TMEM204: variants seen among roughly 807,000 people sequenced by gnomAD.
TMEM204 encodes claudin-like protein 24.
TMEM204 carries 15 observed loss-of-function variants against 19.4 expected under a neutral mutation model. The ratio of observed to expected loss-of-function variants is 0.77; its 90% CI spans 0.52 to 1.19. The LOEUF (loss-of-function observed/expected upper bound fraction) is 1.19, where lower values mean the gene tolerates loss of function less well. Ranked by LOEUF, TMEM204 falls within the 50% of genes most tolerant of loss-of-function variation. TMEM204 has a pLI of 0.00. For synonymous variants in TMEM204, 161 were observed against 146.0 expected (o/e 1.10, Z -0.74); for missense variants, 287 against 321.2 (o/e 0.89, Z 0.81).
chr16:1,544,706 T>C (rs1357244707), intron 2 of TMEM204, among the ~76,000 whole-genome samples: 1 of 151,846 alleles, frequency 6.6e-6, no homozygotes, highest in Non-Finnish European at 1.5e-5. Flanking sequence ...TGGAGTGCAG[T>C]GGCGCGATCT....
chr16:1,531,554 T>G (rs1262173118), upstream of TMEM204: 1 of 152,168 alleles, frequency 6.6e-6, no homozygotes, highest in African/African-American at 2.4e-5. The surrounding 1 kb of genome is among the most constrained non-coding windows in gnomAD (Gnocchi z 4.7). Context: ...TGTGATGCAC[T>G]GTGGGGGAAG....
rs1232149786 is a variant in TMEM204, at chr16:1,541,998, G to C, written c.358G>C (p.Gly120Arg). Residue 120 changes from glycine to arginine, a missense_variant, in exon 2 of 3, where the codon GGG (glycine) becomes CGG (arginine). By Grantham distance (125) the Gly-to-Arg change is moderately radical. Transcript: ENST00000566264. Reference sequence around the variant, plus strand: ...CGCAGGCCAGCTCACCTTCCTCCTGGGGCTGGTGGGCCTGCCCCTGCTGTC... The same window carrying C: ...CGCAGGCCAGCTCACCTTCCTCCTGCGGCTGGTGGGCCTGCCCCTGCTGTC... The part of the protein sequence containing the change: ...LTAGQLTFLL[G>R]LVGLPLLSPD... 6.2e-7 allele frequency: 1 copy of C among 1,611,248 alleles called. No individual in the cohort carries two copies. Among genetic ancestry groups the C allele is most frequent in the Non-Finnish European group, 8.5e-7 (1 of 1,179,610 alleles).
chr16:1,536,244 C>A (rs571986236), intron 1 of TMEM204, among the ~76,000 whole-genome samples: 17 of 152,356 alleles, frequency 1.1e-4, no homozygotes, highest in Non-Finnish European at 2.4e-4. Flanking sequence ...CTACCTCTTG[C>A]GTTCCTCCAG....
At position 1,534,241 on chromosome 16, in the gene TMEM204, C is replaced by T. The variant is rs1014944171; in HGVS notation, c.-35C>T. 1.2e-6 allele frequency: 2 copies of T among 1,605,216 alleles called. No individual in the cohort carries two copies. The highest frequency in any genetic ancestry group is 3.4e-5 in the Admixed American group (2 of 58,956). On this transcript the variant is annotated 5_prime_UTR_variant, in exon 1 of 3. Coordinates refer to ENST00000566264, the MANE Select transcript of TMEM204 (RefSeq NM_024600.6). ...CGTGCGGCCGCGGACTGGGACTTGG[C>T]TTTCTCCGGATAAGCGGCGGCACCG...
chr16:1,544,313 A>G (rs35055895), intron 2 of TMEM204, among the ~76,000 whole-genome samples: 9,980 of 151,748 alleles, frequency 0.066, 557 homozygotes, highest in Admixed American at 0.18. Context: ...CCTCCTGAGC[A>G]GCTGGGACTA....
At position 1,534,514 on chromosome 16, in the gene TMEM204, C is replaced by G. The variant is rs1350117081; in HGVS notation, c.239C>G (p.Ser80Cys). The change falls in exon 1 of 3, where the codon TCC (serine) becomes TGC (cysteine). Residue 80 changes from serine (S) to cysteine (C), a missense_variant. Coordinates refer to ENST00000566264, the MANE Select transcript of TMEM204 (RefSeq NM_024600.6). ...GACTGTGAGGCGCTGGGCTGGGGCT[C>G]CGAGGCAGCCGGCTTCCAGGAGTCC... Reference protein sequence around the residue: ...AHDCEALGWGSEAAGFQESRG... With the variant: ...AHDCEALGWGCEAAGFQESRG... The G allele has an allele frequency of 3.1e-6, 5 of 1,607,210 alleles. No homozygotes were observed. The highest frequency in any genetic ancestry group is 4.2e-6 in the Non-Finnish European group (5 of 1,179,888).
Position 1,553,761 on chromosome 16 carries a change from G to T in TMEM204, c.437-1021G>T. ...TGGCTGTAGGGGATGAGGAGGGGCA[G>T]GGCCATGTGGACAGCCTCTCCTCCA... is the stretch of plus-strand genomic sequence containing the variant. On this transcript the variant is annotated intron_variant, in intron 2 of 2. Coordinates refer to ENST00000566264, the MANE Select transcript of TMEM204 (RefSeq NM_024600.6). The surrounding 1 kb of genome is among the most constrained non-coding windows in gnomAD (Gnocchi z 4.4). 1 of 1,172,874 alleles carries T rather than the reference G, an allele frequency of 8.5e-7. No homozygotes were observed. The highest frequency in any genetic ancestry group is 1.1e-6 in the Non-Finnish European group (1 of 933,332). The allele number at this position is 1,172,874 out of a possible 1,614,324, so 72.7% of individuals were successfully genotyped here.
chr16:1,541,860 G>A, intron 1 of TMEM204, 61 bp from the exon 2 acceptor site: 3 of 1,488,366 alleles, frequency 2.0e-6, no homozygotes, highest in Non-Finnish European at 2.7e-6. Context: ...TGGCGTGACG[G>A]CTGGCGTGGC....
At chr16:1,548,194 G>A (rs1841507482) in intron 2 of TMEM204, among the ~76,000 whole-genome samples, 2 of 152,086 alleles carry the variant, frequency 1.3e-5, no homozygotes, top group South Asian at 4.1e-4. Context: ...GACTTGAGGT[G>A]GCCAGGGGGC....
In TMEM204 at chr16:1,551,323, G is replaced by A. The variant is rs1019859111; in HGVS notation, c.437-3459G>A. Among the ~76,000 whole-genome samples, 2 of 152,096 alleles carry A rather than the reference G, an allele frequency of 1.3e-5. No homozygotes were observed. The highest frequency in any genetic ancestry group is 4.8e-5 in the African/African-American group (2 of 41,406). On this transcript the variant is annotated intron_variant, in intron 2 of 2. Coordinates refer to ENST00000566264, the MANE Select transcript of TMEM204 (RefSeq NM_024600.6). The surrounding 1 kb of genome is among the most constrained non-coding windows in gnomAD (Gnocchi z 4.0). ...GTGCAACTCTAAGCCGAGGCCCGAA[G>A]GATCAGCAGCAGGAGGGGCCCCTCC...
intron 2 of TMEM204, among the ~76,000 whole-genome samples, chr16:1,546,925 C>A (rs1201778725): frequency 6.6e-6 from 1 of 152,228 alleles, no homozygotes; most frequent in Non-Finnish European, 1.5e-5. Context: ...GAGGTCGTGG[C>A]CATGCAATGG....
chr16:1,534,697 G>C (rs2030887235), intron 1 of TMEM204, 142 bp downstream of exon 1: 3 of 1,243,518 alleles, frequency 2.4e-6, no homozygotes, highest in Admixed American at 4.8e-5. Context: ...CAGGCAGGAG[G>C]GGGCACTGTG....
Position 1,551,653 on chromosome 16 carries a change from C to T in TMEM204, c.437-3129C>T, listed in dbSNP as rs1363542818. On this transcript the variant is annotated intron_variant, in intron 2 of 2. Coordinates refer to ENST00000566264, the MANE Select transcript of TMEM204 (RefSeq NM_024600.6). The surrounding 1 kb of genome is among the most constrained non-coding windows in gnomAD (Gnocchi z 4.0). ...AAACGTCCAGCACATTCCTCACTGT[C>T]GAACCCAACTTCAGGACATGCTTGT... is the stretch of plus-strand genomic sequence containing the variant. Among the ~76,000 whole-genome samples the T allele has an allele frequency of 4.6e-5, 7 of 152,316 alleles. No individual in the cohort carries two copies. The South Asian group carries it at 1.2e-3, about 27-fold the overall frequency.
chr16:1,542,060 T>C lies in TMEM204; in HGVS notation c.420T>C (p.Ala140=). 6.2e-7 allele frequency: 1 copy of C among 1,608,620 alleles called. No homozygotes were observed. The highest frequency in any genetic ancestry group is 1.7e-4 in the Middle Eastern group (1 of 6,042). ...DAPCWEEAMA[A]AFQLASFVLV... The stretch of plus-strand genomic sequence containing the variant: ...CGTGCTGGGAGGAGGCCATGGCCGC[T>C]GCATTCCAACTGGCGAGTAAGTACC... Residue 140 remains alanine, a synonymous_variant, in exon 2 of 3, where the codon GCT becomes GCC. Transcript: ENST00000566264.
At chr16:1,548,926 G>C (rs1327511832) in intron 2 of TMEM204, among the ~76,000 whole-genome samples, 1 of 152,210 alleles carries the variant, frequency 6.6e-6, no homozygotes, top group Non-Finnish European at 1.5e-5. Flanking sequence ...CACACGGAAG[G>C]TTCCCTCATG....
chr16:1,540,084 C>T lies in TMEM204; in HGVS notation c.281-1837C>T, dbSNP rs553592088. On this transcript the variant is annotated intron_variant, in intron 1 of 2. Transcript: ENST00000566264. ...AGGACGGCGGGGGGACCCTCAGTGG[C>T]GAGGAGCAGTGTGCCTCCAGGGATG... is the stretch of plus-strand genomic sequence containing the variant. Among the ~76,000 whole-genome samples, 11 of 152,276 alleles carry T rather than the reference C, an allele frequency of 7.2e-5. No individual in the cohort carries two copies. The East Asian group carries it at 1.7e-3, about 24-fold the overall frequency.
At chr16:1,550,015 G>A (rs1479926522) in intron 2 of TMEM204, among the ~76,000 whole-genome samples, 2 of 152,060 alleles carry the variant, frequency 1.3e-5, no homozygotes, top group East Asian at 1.9e-4. Context: ...GAGTGCAATG[G>A]TGCAATCACG....
Position 1,534,022 on chromosome 16 carries a change from C to G in TMEM204, c.-254C>G, listed in dbSNP as rs2030789935. 2 of 518,072 alleles carry G rather than the reference C, an allele frequency of 3.9e-6. No individual in the cohort carries two copies. Among genetic ancestry groups the G allele is most frequent in the Admixed American group, 8.1e-5 (2 of 24,648 alleles). 32.1% of individuals were successfully genotyped at this position (518,072 alleles called of 1,614,324 possible). On this transcript the variant is annotated 5_prime_UTR_variant, in exon 1 of 3. Transcript: ENST00000566264. ...CCCTGGGTTCTTGCTGCTGCCCACCCTCTGCTCCCTGGGATGGGCCCCGAG... is the reference window on the plus strand; with the variant it reads ...CCCTGGGTTCTTGCTGCTGCCCACCGTCTGCTCCCTGGGATGGGCCCCGAG...
chr16:1,540,376 C>T (rs2031518041), intron 1 of TMEM204, among the ~76,000 whole-genome samples: 1 of 152,270 alleles, frequency 6.6e-6, no homozygotes, highest in African/African-American at 2.4e-5. Context: ...AAGCAGCCCG[C>T]ATCCCCCACC....
Sources: allele counts gnomAD v4.1 joint callset (sites outside exome capture counted in the v4.1 genomes callset), GRCh38; gene constraint gnomAD v4.1.1; non-coding constraint Gnocchi (gnomAD v3.1); transcripts MANE v1.5; gene names NCBI Gene and HGNC (gene_info 2026-07-23, HGNC 2026-07-21).